EVL: variants seen among roughly 807,000 people sequenced by gnomAD.
EVL encodes Enah/Vasp-like, also known as ena/VASP-like protein.
Under a neutral mutation model 59.6 loss-of-function variants are expected in EVL, and 21 were observed. The ratio of observed to expected loss-of-function variants is 0.35; its 90% CI spans 0.25 to 0.51. The LOEUF is 0.51. Ranked by LOEUF, EVL falls within the 20% of genes least tolerant of loss-of-function variation. The pLI is 0.97. For synonymous variants in EVL, 198 were observed against 203.5 expected (o/e 0.97, Z 0.23); for missense variants, 462 against 546.6 (o/e 0.85, Z 1.54).
intron 1 of EVL, among the ~76,000 whole-genome samples, chr14:100,082,440 C>CGAT (rs2062332715): frequency 6.6e-6 from 1 of 152,240 alleles, no homozygotes; most frequent in African/African-American, 2.4e-5. Flanking sequence ...TTCAGCTATC[C>CGAT]GGTGGGTTGT....
chr14:100,049,929 C>G (rs534470472), intron 1 of EVL, among the ~76,000 whole-genome samples: 2 of 152,296 alleles, frequency 1.3e-5, no homozygotes, highest in East Asian at 3.9e-4. Context: ...TGACTTCTTT[C>G]ACGTAGCCTA....
chr14:100,085,550 A>G (rs1436582039), intron 2 of EVL, among the ~76,000 whole-genome samples: 3 of 152,206 alleles, frequency 2.0e-5, no homozygotes, highest in Non-Finnish European at 4.4e-5. Context: ...GAGCATTTAT[A>G]GCAGTGAATT....
chr14:100,110,855 T>C, intron 3 of EVL, among the ~76,000 whole-genome samples: 1 of 152,092 alleles, frequency 6.6e-6, no homozygotes, highest in East Asian at 1.9e-4. Flanking sequence ...TTTAGTCTTC[T>C]GTAGATACAG....
chr14:100,012,695 C>T (rs1566968749), intron 1 of EVL, among the ~76,000 whole-genome samples: 1 of 152,180 alleles, frequency 6.6e-6, no homozygotes, highest in Non-Finnish European at 1.5e-5. Flanking sequence ...AAGGGCCCCC[C>T]TTTCATGGAG....
chr14:100,100,108 C>T (rs1259935157), intron 3 of EVL, among the ~76,000 whole-genome samples: 1 of 151,616 alleles, frequency 6.6e-6, no homozygotes, highest in Admixed American at 6.6e-5. Flanking sequence ...ATCTGTTAAT[C>T]CTGCCCTCAT....
intron 1 of EVL, among the ~76,000 whole-genome samples, chr14:99,996,156 ATT>A (rs576041164): frequency 4.2e-5 from 6 of 144,242 alleles, no homozygotes; most frequent in African/African-American, 1.3e-4. Context: ...GGGATTTGGG[ATT>A]TTTTTTTTTT....
chr14:100,097,605 C>G lies in EVL; in HGVS notation c.305C>G (p.Thr102Arg). ...TTTGCAAGTAAAGAAGAGGCAACCA[C>G]GTTCTCCAATGCAATGCTGTTTGCC... ...LNFASKEEATTFSNAMLFALN... is the reference protein window; with the variant it reads ...LNFASKEEATRFSNAMLFALN... The change falls in exon 3 of 14, where the codon ACG becomes AGG. Residue 102 changes from threonine to arginine, a missense_variant. By Grantham distance (71) the Thr-to-Arg change is moderately conservative. Coordinates refer to ENST00000392920, the MANE Select transcript of EVL (RefSeq NM_016337.3). The G allele has an allele frequency of 6.2e-7, 1 of 1,614,152 alleles. No individual in the cohort carries two copies. The highest frequency in any genetic ancestry group is 8.5e-7 in the Non-Finnish European group (1 of 1,180,014).
At chr14:100,066,946 CATT>C (rs569386894) in intron 1 of EVL, among the ~76,000 whole-genome samples, 2 of 152,294 alleles carry the variant, frequency 1.3e-5, no homozygotes, top group East Asian at 1.9e-4. Flanking sequence ...AAAAAACAGT[CATT>C]GTTGGTGGTG....
chr14:100,053,286 T>G (rs2061675370), intron 1 of EVL, among the ~76,000 whole-genome samples: 3 of 152,294 alleles, frequency 2.0e-5, no homozygotes, highest in African/African-American at 7.2e-5. Flanking sequence ...TTTCTCCTCG[T>G]TTTTTCTCAT....
chr14:100,117,123 G>A (rs1246863619), intron 3 of EVL, among the ~76,000 whole-genome samples: 2 of 152,068 alleles, frequency 1.3e-5, no homozygotes, highest in African/African-American at 4.8e-5. Context: ...ACCACTGGGG[G>A]CAGTCCTGGC....
chr14:100,044,668 C>T (rs906659557), intron 1 of EVL, among the ~76,000 whole-genome samples: 1 of 152,156 alleles, frequency 6.6e-6, no homozygotes, highest in African/African-American at 2.4e-5. Flanking sequence ...AATTCCCAGG[C>T]CCAGGGTTCT....
chr14:100,028,000 C>G (rs2061243373), intron 1 of EVL, among the ~76,000 whole-genome samples: 1 of 152,174 alleles, frequency 6.6e-6, no homozygotes, highest in South Asian at 2.1e-4. Context: ...ACCGTTGTGA[C>G]TAATGCTGCA....
intron 1 of EVL, among the ~76,000 whole-genome samples, chr14:100,048,002 C>G (rs1017744547): frequency 1.3e-4 from 20 of 152,272 alleles, no homozygotes; most frequent in South Asian, 4.2e-4. Context: ...AATATAAAAT[C>G]TAAAACTATA....
At chr14:99,992,937 A>AT (rs1352260840) in intron 1 of EVL, among the ~76,000 whole-genome samples, 1 of 150,232 alleles carries the variant, frequency 6.7e-6, no homozygotes, top group Non-Finnish European at 1.5e-5. Flanking sequence ...TGTCATATGC[A>AT]TTTTTTTGTA....
intron 1 of EVL, among the ~76,000 whole-genome samples, chr14:100,051,128 A>G (rs78024352): frequency 0.037 from 5,596 of 152,260 alleles, 144 homozygotes; most frequent in South Asian, 0.11. Context: ...CCTGAGGTCA[A>G]CTTTGTTCCA....
intron 1 of EVL, among the ~76,000 whole-genome samples, chr14:100,067,505 A>G (rs2061956764): frequency 6.6e-6 from 1 of 151,886 alleles, no homozygotes; most frequent in Non-Finnish European, 1.5e-5. Context: ...TGTATTTTTT[A>G]GAGATGAGGT....
intron 1 of EVL, among the ~76,000 whole-genome samples, chr14:100,049,510 T>G (rs2061611635): frequency 6.6e-6 from 1 of 152,246 alleles, no homozygotes; most frequent in South Asian, 2.1e-4. Flanking sequence ...GAGTATTGTT[T>G]CTGATGTGAG....
At chr14:99,985,179 G>A (rs1034704573) in intron 1 of EVL, among the ~76,000 whole-genome samples, 1 of 151,854 alleles carries the variant, frequency 6.6e-6, no homozygotes, top group African/African-American at 2.4e-5. Context: ...AGTGGGGCTA[G>A]GGATAGAGAG....
chr14:100,064,646 C>T (rs2061894248), upstream of EVL, among the ~76,000 whole-genome samples: 1 of 152,232 alleles, frequency 6.6e-6, no homozygotes, highest in Non-Finnish European at 1.5e-5. Flanking sequence ...CGCGGTGGCT[C>T]ACGCCTGTAA....
Sources: allele counts gnomAD v4.1 joint callset (sites outside exome capture counted in the v4.1 genomes callset), GRCh38; gene constraint gnomAD v4.1.1; transcripts MANE v1.5; gene names NCBI Gene and HGNC (gene_info 2026-07-23, HGNC 2026-07-21).